The following TEAD1 variants were observed in gnomAD, a reference collection of about 807,000 sequenced individuals.
TEAD1 encodes TEA domain transcription factor 1.
TEAD1 carries 9 observed loss-of-function variants against 54.9 expected under a neutral mutation model. The observed-to-expected ratio is 0.16, with a 90% CI of 0.10 to 0.29. The LOEUF is 0.29. Ranked by LOEUF, TEAD1 falls within the 10% of genes least tolerant of loss-of-function variation. TEAD1 has a pLI of 1.00. For synonymous variants in TEAD1, 200 were observed against 187.8 expected, an observed-to-expected ratio of 1.07 and a Z score of -0.53; for missense variants, 387 against 535.9, an observed-to-expected ratio of 0.72 and a Z score of 2.74.
intron 2 of TEAD1, among the ~76,000 whole-genome samples, chr11:12,755,169 C>A (rs2133912958): frequency 6.6e-6 from 1 of 152,286 alleles, no homozygotes; most frequent in East Asian, 1.9e-4. Context: ...TACCTATAGA[C>A]TTCCCTCTTA....
At chr11:12,915,387 C>A (rs1201571719) in intron 10 of TEAD1, among the ~76,000 whole-genome samples, 3 of 152,162 alleles carry the variant, frequency 2.0e-5, no homozygotes, top group Non-Finnish European at 4.4e-5. Flanking sequence ...CAGGGATGAT[C>A]CACTCTGTCC....
In TEAD1 at chr11:12,699,028, A is replaced by G. The variant is rs369121089; in HGVS notation, c.-55+23467A>G. ...TGCCTATTCAGAAATTACTGGAGAA[A>G]AGTCCTCCAATTTAAAAAAATGAAA... is the stretch of plus-strand genomic sequence containing the variant. On this transcript the variant is annotated intron_variant, in intron 2 of 12. Transcript: ENST00000527636. Among the ~76,000 whole-genome samples, 406 of 152,320 alleles carry G rather than the reference A, an allele frequency of 2.7e-3. 3 individuals carry two copies. The highest frequency in any genetic ancestry group is 9.3e-3 in the African/African-American group (387 of 41,576).
chr11:12,896,135 G>A (rs1333739506), intron 9 of TEAD1, among the ~76,000 whole-genome samples: 4 of 152,026 alleles, frequency 2.6e-5, no homozygotes, highest in East Asian at 3.8e-4. Context: ...ATTGTAAAAC[G>A]TTTTTTTCTG....
chr11:12,743,375 T>C (rs1465583458), intron 2 of TEAD1, among the ~76,000 whole-genome samples: 1 of 152,204 alleles, frequency 6.6e-6, no homozygotes, highest in Non-Finnish European at 1.5e-5. Flanking sequence ...CCCCAGACTT[T>C]AGTATTTCAG....
At chr11:12,872,812 C>G (rs1169213797) in intron 5 of TEAD1, among the ~76,000 whole-genome samples, 1 of 152,170 alleles carries the variant, frequency 6.6e-6, no homozygotes, top group Admixed American at 6.5e-5. Flanking sequence ...TATTTCAGGT[C>G]CCGAGCAGAA....
chr11:12,700,349 CTTTTG>C (rs1943672209), intron 2 of TEAD1, among the ~76,000 whole-genome samples: 1 of 152,108 alleles, frequency 6.6e-6, no homozygotes, highest in African/African-American at 2.4e-5. Context: ...CATTTAAACC[CTTTTG>C]TTTTAGGTAC....
chr11:12,677,465 G>T (rs1256320938), intron 2 of TEAD1, among the ~76,000 whole-genome samples: 1 of 152,060 alleles, frequency 6.6e-6, no homozygotes, highest in Non-Finnish European at 1.5e-5. Context: ...ACTCACTTGG[G>T]AGACTGGAGT....
chr11:12,689,781 T>A (rs1211287925), intron 2 of TEAD1, among the ~76,000 whole-genome samples: 2 of 152,174 alleles, frequency 1.3e-5, no homozygotes, highest in African/African-American at 2.4e-5. Context: ...CATCACCTCA[T>A]GGCTATTCTT....
intron 2 of TEAD1, among the ~76,000 whole-genome samples, chr11:12,700,883 A>C (rs1410462663): frequency 6.6e-6 from 1 of 152,228 alleles, no homozygotes; most frequent in Non-Finnish European, 1.5e-5. Flanking sequence ...TTTGAGAACG[A>C]TCACAGTCGC....
chr11:12,899,859 C>T (rs1049365403), intron 9 of TEAD1, among the ~76,000 whole-genome samples: 1 of 152,190 alleles, frequency 6.6e-6, no homozygotes, highest in Non-Finnish European at 1.5e-5. Flanking sequence ...AGATACTGGC[C>T]TCAGTTGCAC....
intron 3 of TEAD1, among the ~76,000 whole-genome samples, chr11:12,771,538 T>A (rs1422730707): frequency 1.3e-5 from 2 of 152,122 alleles, no homozygotes; most frequent in African/African-American, 4.8e-5. Flanking sequence ...ATTGGGAGGA[T>A]GGTGGTACTG....
intron 3 of TEAD1, among the ~76,000 whole-genome samples, chr11:12,804,445 T>G (rs1946126519): frequency 6.6e-6 from 1 of 152,244 alleles, no homozygotes; most frequent in African/African-American, 2.4e-5. Flanking sequence ...ACCTTTGATC[T>G]GCTTTTTAAT....
intron 5 of TEAD1, among the ~76,000 whole-genome samples, chr11:12,878,522 T>C (rs940282990): frequency 6.6e-6 from 1 of 152,212 alleles, no homozygotes; most frequent in Non-Finnish European, 1.5e-5. Context: ...TTTATATGCC[T>C]ACGAGGCTCA....
chr11:12,835,680 T>C (rs1435173651), intron 3 of TEAD1, among the ~76,000 whole-genome samples: 5 of 151,936 alleles, frequency 3.3e-5, no homozygotes, highest in Non-Finnish European at 5.9e-5. Context: ...TTCTAACATA[T>C]GGCTGGCCTA....
intron 12 of TEAD1, among the ~76,000 whole-genome samples, chr11:12,936,129 T>TGA (rs1949095249): frequency 6.6e-6 from 1 of 152,224 alleles, no homozygotes; most frequent in African/African-American, 2.4e-5. Flanking sequence ...ACAGAGTCAC[T>TGA]GACGCGTTTC....
chr11:12,754,661 AATCCATTTGG>A (rs752397786), intron 2 of TEAD1, among the ~76,000 whole-genome samples: 1 of 152,126 alleles, frequency 6.6e-6, no homozygotes, highest in Non-Finnish European at 1.5e-5. Flanking sequence ...GTGCTGATGA[AATCCATTTGG>A]ATCCATTAGA....
At chr11:12,836,450 C>T (rs191351168) in intron 3 of TEAD1, among the ~76,000 whole-genome samples, 9 of 152,002 alleles carry the variant, frequency 5.9e-5, no homozygotes, top group Admixed American at 1.3e-4. Flanking sequence ...TTGCTTTTCC[C>T]GCGATGATGA....
chr11:12,712,377 C>G (rs1262832626), intron 2 of TEAD1, among the ~76,000 whole-genome samples: 1 of 152,168 alleles, frequency 6.6e-6, no homozygotes, highest in Non-Finnish European at 1.5e-5. Flanking sequence ...ATTTTATGTG[C>G]ACCTACACAG....
intron 1 of TEAD1, among the ~76,000 whole-genome samples, chr11:12,675,174 G>T (rs952625235): frequency 6.6e-6 from 1 of 150,842 alleles, no homozygotes; most frequent in Non-Finnish European, 1.5e-5. Flanking sequence ...CACACCCTCG[G>T]GCGCCTTGGA....
Sources: allele counts gnomAD v4.1 joint callset (sites outside exome capture counted in the v4.1 genomes callset), GRCh38; gene constraint gnomAD v4.1.1; transcripts MANE v1.5; gene names NCBI Gene and HGNC (gene_info 2026-07-23, HGNC 2026-07-21).